CSMD1: variants seen among roughly 807,000 people sequenced by gnomAD.
CSMD1 encodes CUB and sushi domain-containing protein 1.
Under a neutral mutation model 417.5 loss-of-function variants are expected in CSMD1, and 213 were observed. The observed-to-expected ratio is 0.51, with a 90% CI of 0.46 to 0.57. The LOEUF is 0.57. Among genes scored for constraint, CSMD1 ranks in the 20% least tolerant of loss-of-function variants. The pLI, the probability that CSMD1 is intolerant of heterozygous loss-of-function variation, is 0.00. For synonymous variants in CSMD1, 2,862 were observed against 1,736.8 expected, an observed-to-expected ratio of 1.65 and a Z score of -16.11; for missense variants, 6,923 against 4,529.7, an observed-to-expected ratio of 1.53 and a Z score of -15.17.
At chr8:4,893,902 G>A (rs186803322) in intron 1 of CSMD1, among the ~76,000 whole-genome samples, 55 of 152,166 alleles carry the variant, frequency 3.6e-4, no homozygotes, top group Non-Finnish European at 6.9e-4. Context: ...AACCAAGGGG[G>A]CGGGGCAATG....
chr8:3,781,142 C>T (rs1799157288), intron 5 of CSMD1, among the ~76,000 whole-genome samples: 1 of 152,122 alleles, frequency 6.6e-6, no homozygotes, highest in African/African-American at 2.4e-5. Context: ...AGTTCATGAT[C>T]AAGGTTGTCC....
intron 6 of CSMD1, among the ~76,000 whole-genome samples, chr8:3,729,766 T>C (rs1802714392): frequency 6.6e-6 from 1 of 152,046 alleles, no homozygotes; most frequent in East Asian, 1.9e-4. Flanking sequence ...AAAGACATAA[T>C]TATTTCAGGT....
At chr8:4,506,498 A>G (rs1313914196) in intron 2 of CSMD1, among the ~76,000 whole-genome samples, 1 of 152,020 alleles carries the variant, frequency 6.6e-6, no homozygotes, top group Non-Finnish European at 1.5e-5. Context: ...TTCAGAAACA[A>G]TGGCGGATGG....
chr8:3,753,422 A>G (rs1250787504), intron 6 of CSMD1, among the ~76,000 whole-genome samples: 3 of 152,220 alleles, frequency 2.0e-5, no homozygotes, highest in African/African-American at 4.8e-5. Flanking sequence ...TAATGACTAC[A>G]GACTCCCCAT....
chr8:4,489,552 T>G (rs1801593137), intron 2 of CSMD1, among the ~76,000 whole-genome samples: 2 of 152,192 alleles, frequency 1.3e-5, no homozygotes, highest in South Asian at 4.1e-4. Flanking sequence ...GCAGACAGGC[T>G]ATGAAGGTGC....
Position 4,185,332 on chromosome 8 carries a change from A to T in CSMD1, c.416-153233T>A, listed in dbSNP as rs78989350. ...GGACCCTGTCTTAAAAAGGGCTCAC[A>T]ATAGTTTTGTCACAGGTTTACTATG... On this transcript the variant is annotated intron_variant, in intron 3 of 69. Coordinates refer to ENST00000635120, the MANE Select transcript of CSMD1 (RefSeq NM_033225.6). Among the ~76,000 whole-genome samples, 1,095 of 152,222 alleles carry T rather than the reference A, an allele frequency of 7.2e-3. 42 individuals are homozygous for T. In the East Asian group the frequency reaches 0.11, roughly 16 times the overall value.
intron 30 of CSMD1, among the ~76,000 whole-genome samples, chr8:3,210,743 A>G (rs1432097023): frequency 1.3e-5 from 2 of 150,854 alleles, no homozygotes; most frequent in African/African-American, 4.8e-5. Flanking sequence ...CTTTAGCCAC[A>G]GAAAAGGTAT....
chr8:4,907,667 C>G (rs989350031), intron 1 of CSMD1, among the ~76,000 whole-genome samples: 5 of 151,990 alleles, frequency 3.3e-5, no homozygotes, highest in Non-Finnish European at 5.9e-5. Context: ...TCTAATGATC[C>G]TCCTAGTCAA....
chr8:3,716,564 G>C (rs548959323), intron 6 of CSMD1, among the ~76,000 whole-genome samples: 1 of 152,232 alleles, frequency 6.6e-6, no homozygotes, highest in African/African-American at 2.4e-5. Context: ...TCCCCGTCTT[G>C]GTTTCGGGAG....
At chr8:4,664,466 G>A (rs1435646629) in intron 1 of CSMD1, among the ~76,000 whole-genome samples, 1 of 152,076 alleles carries the variant, frequency 6.6e-6, no homozygotes. Context: ...AGGCTAAGGT[G>A]GGAGGACTGC....
intron 4 of CSMD1, among the ~76,000 whole-genome samples, chr8:4,028,645 G>C (rs191670547): frequency 1.3e-5 from 2 of 152,190 alleles, no homozygotes; most frequent in African/African-American, 2.4e-5. Context: ...TTAAAAGCCA[G>C]ACTTGTGTTT....
chr8:3,668,622 A>G (rs752227055), intron 7 of CSMD1, among the ~76,000 whole-genome samples: 1 of 152,104 alleles, frequency 6.6e-6, no homozygotes, highest in African/African-American at 2.4e-5. Flanking sequence ...CCTGGGGAGA[A>G]GAGACGATCC....
At chr8:4,156,320 A>G (rs1031356572) in intron 3 of CSMD1, among the ~76,000 whole-genome samples, 1 of 152,106 alleles carries the variant, frequency 6.6e-6, no homozygotes, top group African/African-American at 2.4e-5. Flanking sequence ...AAGGCTCTGA[A>G]CGGCCGTGCA....
At chr8:4,026,383 T>G (rs1305078744) in intron 4 of CSMD1, among the ~76,000 whole-genome samples, 1 of 152,220 alleles carries the variant, frequency 6.6e-6, no homozygotes, top group East Asian at 1.9e-4. Flanking sequence ...CACACTGATC[T>G]CATTGGGATT....
At chr8:3,098,993 C>T (rs114379911) in intron 46 of CSMD1, among the ~76,000 whole-genome samples, 1,707 of 151,814 alleles carry the variant, frequency 0.011, 33 homozygotes, top group African/African-American at 0.039. Flanking sequence ...AGGGACCAAC[C>T]GCCCCAAAAA....
At chr8:4,183,990 G>A (rs1798524701) in intron 3 of CSMD1, among the ~76,000 whole-genome samples, 1 of 152,190 alleles carries the variant, frequency 6.6e-6, no homozygotes, top group Admixed American at 6.5e-5. Context: ...GCCTCCGACA[G>A]TGTCATACAC....
At chr8:4,112,994 T>A (rs1474326380) in intron 3 of CSMD1, among the ~76,000 whole-genome samples, 1 of 152,188 alleles carries the variant, frequency 6.6e-6, no homozygotes, top group Non-Finnish European at 1.5e-5. Flanking sequence ...GTTGTTATTA[T>A]ATCTGTTATG....
chr8:3,242,892 G>A (rs950011609), intron 26 of CSMD1, among the ~76,000 whole-genome samples: 4 of 151,998 alleles, frequency 2.6e-5, no homozygotes, highest in Non-Finnish European at 4.4e-5. Context: ...AGGTTGGGGC[G>A]TGGAAATAAG....
chr8:4,340,427 C>G (rs562065723), intron 3 of CSMD1, among the ~76,000 whole-genome samples: 1 of 152,084 alleles, frequency 6.6e-6, no homozygotes, highest in Admixed American at 6.6e-5. Flanking sequence ...ATAAACTCCT[C>G]AATTAAGCTG....
Sources: gnomAD v4.1 joint callset for allele counts (sites outside exome capture counted in the v4.1 genomes callset) on GRCh38, gnomAD v4.1.1 for gene constraint, MANE v1.5 for transcripts, NCBI Gene and HGNC (gene_info 2026-07-23, HGNC 2026-07-21) for gene names.